SLC14A2: variants seen among roughly 807,000 people sequenced by gnomAD.
SLC14A2 encodes urea transporter 2.
In SLC14A2, 91 loss-of-function variants were observed where a neutral mutation model predicts 104.6. That is an observed-to-expected ratio of 0.87 (90% confidence interval 0.73 to 1.04). The LOEUF (loss-of-function observed/expected upper bound fraction) is 1.04. Ranked by LOEUF, SLC14A2 falls within the 50% of genes least tolerant of loss-of-function variation. The pLI is 0.00. For missense variants in SLC14A2, 1,189 were observed against 1,156.0 expected (o/e 1.03, Z -0.41); for synonymous variants, 476 against 466.4 (o/e 1.02, Z -0.27).
rs1326262165 is a variant in SLC14A2 at position 45,414,802 on chromosome 18, G to C, written c.-124-68431G>C. Among the ~76,000 whole-genome samples, 2 of 81,522 alleles carry C rather than the reference G, an allele frequency of 2.5e-5. 1 individual carries two copies. The highest frequency in any genetic ancestry group is 6.8e-4 in the South Asian group (2 of 2,936). The allele number at this position is 81,522 out of a possible 152,430, so 53.5% of individuals were successfully genotyped here. Reference sequence around the variant, plus strand: ...TATATATATATATATATATAGAAAAGTACAGTTCATGCCCTCAAGGATCTC... The same window carrying C: ...TATATATATATATATATATAGAAAACTACAGTTCATGCCCTCAAGGATCTC... On this transcript the variant is annotated intron_variant, in intron 1 of 20. Coordinates refer to the SLC14A2 transcript ENST00000586448.
chr18:45,446,146 C>T (rs1171094761), intron 1 of SLC14A2, among the ~76,000 whole-genome samples: 1 of 152,190 alleles, frequency 6.6e-6, no homozygotes, highest in Non-Finnish European at 1.5e-5. Flanking sequence ...ACACAGGGTT[C>T]ACGCTCAGTT....
intron 1 of SLC14A2, among the ~76,000 whole-genome samples, chr18:45,405,730 C>T (rs965944277): frequency 1.3e-5 from 2 of 151,884 alleles, no homozygotes; most frequent in Non-Finnish European, 2.9e-5. Context: ...AACCCTGTCT[C>T]TAGTAAAAAT....
intron 1 of SLC14A2, among the ~76,000 whole-genome samples, chr18:45,451,218 C>T (rs548602054): frequency 5.3e-4 from 80 of 152,174 alleles, no homozygotes; most frequent in African/African-American, 1.7e-3. Context: ...GGATTTTCAA[C>T]TGAATGCCCA....
Position 45,351,372 on chromosome 18 carries a change from A to G in SLC14A2, c.-124-131861A>G, listed in dbSNP as rs983904070. ...CACCGTTTTTTGTTTGTTTGTTTTG[A>G]AACAGAGTCTCTCTTTCTGTTGCTC... On this transcript the variant is annotated intron_variant, in intron 1 of 20. Transcript: ENST00000586448. 3.3e-5 allele frequency among the ~76,000 whole-genome samples: 5 copies of G among 152,028 alleles called. No individual in the cohort carries two copies. The East Asian group carries it at 9.7e-4, about 29-fold the overall frequency.
intron 1 of SLC14A2, among the ~76,000 whole-genome samples, chr18:45,318,117 C>T (rs950146437): frequency 4.6e-5 from 7 of 152,192 alleles, no homozygotes; most frequent in South Asian, 2.1e-4. Flanking sequence ...TTGATTGAGA[C>T]GCGCCTCTTT....
In SLC14A2 at chr18:45,624,695, C is replaced by T. The variant is rs746382847; in HGVS notation, c.31C>T (p.Pro11Ser). 1.2e-6 allele frequency: 2 copies of T among 1,613,058 alleles called. No individual in the cohort carries two copies. Among genetic ancestry groups the T allele is most frequent in the Admixed American group, 1.7e-5 (1 of 59,846 alleles). The change falls in exon 2 of 20, where the codon CCA (proline) becomes TCA (serine). Residue 11 changes from proline (P) to serine (S), a missense_variant. Pro to Ser is a moderately conservative substitution (Grantham distance 74). Transcript: ENST00000255226. ...TGACCCCCACAGCAGTCCTCTCCTGCCAGAGCCACTTTCCAGCAGATACAA... is the reference window on the plus strand; with the variant it reads ...TGACCCCCACAGCAGTCCTCTCCTGTCAGAGCCACTTTCCAGCAGATACAA... MSDPHSSPLL[P>S]EPLSSRYKLY...
intron 2 of SLC14A2, among the ~76,000 whole-genome samples, chr18:45,537,298 C>T (rs2043808484): frequency 6.6e-6 from 1 of 151,812 alleles, no homozygotes; most frequent in Non-Finnish European, 1.5e-5. Context: ...GATTTTAGTG[C>T]TATGTAAAAG....
At chr18:45,584,615 G>GC (rs1443504255) in intron 2 of SLC14A2, among the ~76,000 whole-genome samples, 3 of 152,172 alleles carry the variant, frequency 2.0e-5, no homozygotes, top group Admixed American at 6.5e-5. Flanking sequence ...GAGTTGAGCT[G>GC]CCCCTTAGGA....
chr18:45,516,210 C>G (rs946886038), intron 2 of SLC14A2, among the ~76,000 whole-genome samples: 3 of 152,180 alleles, frequency 2.0e-5, no homozygotes, highest in Admixed American at 1.3e-4. Context: ...TTCTCTCCCC[C>G]CTCACTACTG....
At chr18:45,175,640 A>C in the SLC14A2 span, among the ~76,000 whole-genome samples, 1 of 152,156 alleles carries the variant, frequency 6.6e-6, no homozygotes, top group Non-Finnish European at 1.5e-5. Context: ...CAGAAAAAAA[A>C]ATAAGACTCA....
chr18:45,662,846 C>A (rs539183215), intron 10 of SLC14A2, among the ~76,000 whole-genome samples: 1 of 152,112 alleles, frequency 6.6e-6, no homozygotes, highest in Non-Finnish European at 1.5e-5. Context: ...TGCATACCCC[C>A]CAGGATCACC....
the SLC14A2 span, among the ~76,000 whole-genome samples, chr18:45,191,070 TC>T: frequency 1.3e-5 from 2 of 152,084 alleles, no homozygotes; most frequent in Admixed American, 1.3e-4. Context: ...TCCCATGGTG[TC>T]CCAGCTGGCA....
At position 45,314,844 on chromosome 18, in the gene SLC14A2, T is replaced by A. The variant is rs565205158; in HGVS notation, c.-125+101653T>A. Among the ~76,000 whole-genome samples, 6 of 151,562 alleles carry A rather than the reference T, an allele frequency of 4.0e-5. No individual in the cohort carries two copies. In the South Asian group the frequency reaches 1.3e-3, roughly 32 times the overall value. ...ATTTACTGCATGTGAGACACTGGAG[T>A]AGAGTTATAAAAGGGGGCGCAGAGA... On this transcript the variant is annotated intron_variant, in intron 1 of 20. Transcript: ENST00000586448.
the SLC14A2 span, among the ~76,000 whole-genome samples, chr18:45,180,573 G>C: frequency 6.6e-6 from 1 of 152,018 alleles, no homozygotes; most frequent in Non-Finnish European, 1.5e-5. Context: ...ATTGCAAAAA[G>C]AATAGTGATT....
chr18:45,535,099 TTC>T (rs1390990871), intron 2 of SLC14A2, among the ~76,000 whole-genome samples: 2 of 152,194 alleles, frequency 1.3e-5, no homozygotes. Flanking sequence ...AAAAAGCTCT[TTC>T]TGTTTGTGCT....
At chr18:45,662,104 A>G (rs764843326) in intron 10 of SLC14A2, among the ~76,000 whole-genome samples, 1 of 152,194 alleles carries the variant, frequency 6.6e-6, no homozygotes, top group Non-Finnish European at 1.5e-5. Flanking sequence ...GGAATTCAAG[A>G]CCAGCCTGGC....
chr18:45,462,374 G>A (rs1393431981), intron 1 of SLC14A2, among the ~76,000 whole-genome samples: 1 of 152,206 alleles, frequency 6.6e-6, no homozygotes, highest in East Asian at 1.9e-4. Flanking sequence ...CCAGAGACTT[G>A]CATTCCGAGC....
At chr18:45,242,864 G>A (rs2084331720) in intron 1 of SLC14A2, among the ~76,000 whole-genome samples, 1 of 152,088 alleles carries the variant, frequency 6.6e-6, no homozygotes, top group African/African-American at 2.4e-5. Context: ...AGCATGGGGT[G>A]GTGTTTACAT....
intron 4 of SLC14A2, 110 bp downstream of exon 4, chr18:45,627,257 G>C (rs1411265186): frequency 2.6e-5 from 24 of 924,988 alleles, no homozygotes; most frequent in Middle Eastern, 4.9e-4. Context: ...AAAGTCTCCT[G>C]AGTATCAACT....
Sources: allele counts gnomAD v4.1 joint callset (sites outside exome capture counted in the v4.1 genomes callset), GRCh38; gene constraint gnomAD v4.1.1; transcripts MANE v1.5; gene names NCBI Gene and HGNC (gene_info 2026-07-23, HGNC 2026-07-21).